Variants in NCALD observed in about 807,000 individuals in gnomAD.
NCALD encodes the protein neurocalcin-delta.
A neutral mutation model predicts 18.6 loss-of-function variants in NCALD; 10 were observed. The ratio of observed to expected loss-of-function variants is 0.54; its 90% confidence interval spans 0.33 to 0.91. The LOEUF (loss-of-function observed/expected upper bound fraction) is 0.91, where lower values mean the gene tolerates loss of function less well. Among genes scored for constraint, NCALD ranks in the 40% least tolerant of loss-of-function variants. NCALD has a pLI of 0.03. For synonymous variants in NCALD, 88 were observed against 87.4 expected, an observed-to-expected ratio of 1.01 and a Z score of -0.04; for missense variants, 184 against 247.6, an observed-to-expected ratio of 0.74 and a Z score of 1.72.
At chr8:102,000,721 TA>T (rs1321290541) in intron 2 of NCALD, among the ~76,000 whole-genome samples, 2 of 152,170 alleles carry the variant, frequency 1.3e-5, no homozygotes, top group African/African-American at 2.4e-5. Flanking sequence ...TGTTCACCAA[TA>T]TCTGCTGTTC....
chr8:102,081,244 G>A (rs1247271322), intron 1 of NCALD, among the ~76,000 whole-genome samples: 2 of 152,042 alleles, frequency 1.3e-5, no homozygotes, highest in Non-Finnish European at 2.9e-5. Context: ...GTTAGAAAAC[G>A]TACTGTTTAT....
chr8:101,706,297 G>A (rs1171990740), intron 2 of NCALD, among the ~76,000 whole-genome samples: 2 of 151,468 alleles, frequency 1.3e-5, no homozygotes, highest in Non-Finnish European at 2.9e-5. Context: ...CTTGATTAGA[G>A]GATAGATAGT....
At chr8:102,122,016 C>T (rs767882983) in intron 1 of NCALD, among the ~76,000 whole-genome samples, 1 of 152,220 alleles carries the variant, frequency 6.6e-6, no homozygotes, top group Non-Finnish European at 1.5e-5. Context: ...AAGGCACATG[C>T]AGGTGCCTTG....
upstream of NCALD, among the ~76,000 whole-genome samples, chr8:101,792,874 GA>G (rs1458361630): frequency 1.4e-5 from 2 of 147,322 alleles, no homozygotes; most frequent in East Asian, 4.0e-4. Flanking sequence ...GATGTCTTCT[GA>G]AATAAGAAGT....
At position 101,766,585 on chromosome 8, in the gene NCALD, GTTGTTT is replaced by G. The variant is rs938179504; in HGVS notation, c.-20+24271_-20+24276del. 5.3e-5 allele frequency among the ~76,000 whole-genome samples: 8 copies of G among 152,148 alleles called. No homozygotes were observed. The East Asian group carries it at 5.8e-4, about 11-fold the overall frequency. Reference sequence around the variant, plus strand: ...AGTTTCCAAAGAAGTTTCTTTGTTTGTTGTTTTTGTTTTTGTTTTTTGAGATGGGGT... The same window carrying G: ...AGTTTCCAAAGAAGTTTCTTTGTTTGTTGTTTTTGTTTTTTGAGATGGGGT... On this transcript the variant is annotated intron_variant, in intron 1 of 3. Transcript: ENST00000220931.
At chr8:101,841,837 T>C (rs146242520) in intron 4 of NCALD, among the ~76,000 whole-genome samples, 56 of 152,228 alleles carry the variant, frequency 3.7e-4, no homozygotes, top group African/African-American at 1.3e-3. Context: ...TGAGGGGCCC[T>C]AATGAAGGGA....
chr8:102,111,080 T>G (rs1371009677), intron 1 of NCALD, among the ~76,000 whole-genome samples: 1 of 152,014 alleles, frequency 6.6e-6, no homozygotes, highest in Non-Finnish European at 1.5e-5. Context: ...GGAACAAGAG[T>G]GATTCTTTCT....
intron 4 of NCALD, among the ~76,000 whole-genome samples, chr8:101,798,860 T>A (rs1302159828): frequency 6.6e-6 from 1 of 152,194 alleles, no homozygotes; most frequent in Non-Finnish European, 1.5e-5. Context: ...CACATAAATA[T>A]GACCAATGGA....
At chr8:101,690,605 TCTC>T (rs1485689846) in intron 3 of NCALD, 2 of 985,200 alleles carry the variant, frequency 2.0e-6, no homozygotes, top group African/African-American at 1.7e-5. Context: ...AAACATATCT[TCTC>T]CTCAGCCACA....
chr8:101,736,164 T>A (rs1280717886), intron 1 of NCALD, among the ~76,000 whole-genome samples: 1 of 152,192 alleles, frequency 6.6e-6, no homozygotes, highest in Non-Finnish European at 1.5e-5. Context: ...TCTTTTCCTC[T>A]TCTCTCAAGC....
intron 2 of NCALD, among the ~76,000 whole-genome samples, chr8:101,704,221 G>C (rs563868119): frequency 6.6e-6 from 1 of 152,256 alleles, no homozygotes; most frequent in South Asian, 2.1e-4. Context: ...CACTCAACAT[G>C]GTAAAATCCT....
intron 4 of NCALD, among the ~76,000 whole-genome samples, chr8:101,809,114 T>C (rs1813215464): frequency 6.6e-6 from 1 of 152,216 alleles, no homozygotes. Context: ...TCTAAAAGCA[T>C]TGCAGAAGAA....
At chr8:101,723,071 G>C (rs574475865) in intron 1 of NCALD, among the ~76,000 whole-genome samples, 38 of 152,288 alleles carry the variant, frequency 2.5e-4, no homozygotes, top group African/African-American at 9.1e-4. Context: ...ATTTCTGCCC[G>C]TTTGAGTCGA....
chr8:101,785,357 C>T (rs1037915360), intron 1 of NCALD, among the ~76,000 whole-genome samples: 2 of 152,146 alleles, frequency 1.3e-5, no homozygotes, highest in African/African-American at 4.8e-5. Flanking sequence ...CTGTCAGTTT[C>T]TATGCCAAGT....
intron 2 of NCALD, chr8:102,020,168 G>A (rs1445083818): frequency 6.6e-6 from 1 of 152,144 alleles, no homozygotes; most frequent in Non-Finnish European, 1.5e-5. Context: ...TTAGGCTTAT[G>A]TATGTCTTAG....
intron 4 of NCALD, among the ~76,000 whole-genome samples, chr8:101,838,791 G>C (rs1814519427): frequency 6.6e-6 from 1 of 152,146 alleles, no homozygotes; most frequent in South Asian, 2.1e-4. Context: ...CATTATTTCA[G>C]GGCACTTTCA....
chr8:101,737,016 A>G (rs1027579429), intron 1 of NCALD, among the ~76,000 whole-genome samples: 2 of 152,238 alleles, frequency 1.3e-5, no homozygotes, highest in African/African-American at 4.8e-5. Flanking sequence ...ACAAGAATGT[A>G]AGAGAGGTGA....
At chr8:101,731,893 G>A (rs1816849044) in intron 1 of NCALD, among the ~76,000 whole-genome samples, 1 of 152,214 alleles carries the variant, frequency 6.6e-6, no homozygotes, top group South Asian at 2.1e-4. Flanking sequence ...CAGGCCTACA[G>A]AAACTCCAAG....
intron 2 of NCALD, among the ~76,000 whole-genome samples, chr8:101,935,747 A>C (rs1289893098): frequency 6.6e-6 from 1 of 151,382 alleles, no homozygotes; most frequent in Admixed American, 6.6e-5. Flanking sequence ...AAGGGGAATA[A>C]GGAAATTAAG....
Sources: gnomAD v4.1 joint callset for allele counts (sites outside exome capture counted in the v4.1 genomes callset) on GRCh38, gnomAD v4.1.1 for gene constraint, MANE v1.5 for transcripts, NCBI Gene and HGNC (gene_info 2026-07-23, HGNC 2026-07-21) for gene names.